FARP2: variants seen among roughly 807,000 people sequenced by gnomAD.
FARP2 encodes the protein FERM, ARHGEF and pleckstrin domain-containing protein 2.
FARP2 carries 111 observed loss-of-function variants against 130.5 expected under a neutral mutation model. That is an observed-to-expected ratio of 0.85 (90% CI 0.73 to 1.00). FARP2 has a LOEUF of 1.00. FARP2 is among the 50% of genes least tolerant of loss of function. The probability of loss-of-function intolerance (pLI) is 0.00; values close to 1 mark genes in which losing one functional copy is unlikely to be tolerated. For missense variants in FARP2, 1,385 were observed against 1,346.3 expected, an observed-to-expected ratio of 1.03 and a Z score of -0.45; for synonymous variants, 504 against 516.9, an observed-to-expected ratio of 0.98 and a Z score of 0.34.
intron 14 of FARP2, among the ~76,000 whole-genome samples, chr2:241,458,616 A>C (rs1052239759): frequency 3.9e-5 from 6 of 152,164 alleles, no homozygotes; most frequent in African/African-American, 1.4e-4. Context: ...TTTCCAAAAA[A>C]GATGTCTTTT....
chr2:241,443,319 CTG>C (rs2063436818), intron 13 of FARP2: 1 of 153,682 alleles, frequency 6.5e-6, no homozygotes, highest in South Asian at 2.0e-4. Context: ...AGAAATAGTG[CTG>C]TGTGTAGATA....
At chr2:241,401,193 G>C (rs150610228) in intron 2 of FARP2, among the ~76,000 whole-genome samples, 1 of 152,306 alleles carries the variant, frequency 6.6e-6, no homozygotes, top group African/African-American at 2.4e-5. Context: ...TTCTTACACA[G>C]TGAGAATCTG....
rs147242846 is a variant in FARP2 at position 241,417,970 on chromosome 2, C to T, written c.632C>T (p.Thr211Ile). ...LEFHQKHVGQ[T>I]PAESDFQVLE... is the part of the protein sequence containing the mutation. The stretch of plus-strand genomic sequence containing the variant: ...ACCATTTTTTATTACAGGGGCCAGA[C>T]ACCTGCTGAGTCGGATTTCCAGGTG... Residue 211 changes from threonine (T) to isoleucine (I), a missense_variant, in exon 8 of 27, where the codon ACA becomes ATA. By Grantham distance (89) the Thr-to-Ile change is moderately conservative. Transcript: ENST00000264042. 12 of 1,614,050 alleles carry T rather than the reference C, an allele frequency of 7.4e-6. No homozygotes were observed. In the African/African-American group the frequency reaches 1.2e-4, roughly 16 times the overall value.
intron 5 of FARP2, among the ~76,000 whole-genome samples, chr2:241,409,227 A>G (rs993899687): frequency 3.9e-5 from 6 of 152,210 alleles, no homozygotes; most frequent in African/African-American, 9.6e-5. Flanking sequence ...AAAAATGTAC[A>G]TGTTTGTGGT....
chr2:241,485,389 C>T (rs1351498462), intron 21 of FARP2, among the ~76,000 whole-genome samples: 1 of 150,700 alleles, frequency 6.6e-6, no homozygotes, highest in Non-Finnish European at 1.5e-5. Context: ...CATCTTCCCT[C>T]CCTGTGGTCC....
intron 7 of FARP2, among the ~76,000 whole-genome samples, chr2:241,415,554 G>A (rs929164789): frequency 1.1e-4 from 16 of 152,160 alleles, no homozygotes; most frequent in African/African-American, 3.4e-4. Flanking sequence ...TTGTCAGCAC[G>A]TAGGCTGGGC....
intron 17 of FARP2, chr2:241,465,533 C>T (rs1384675739): frequency 6.4e-7 from 1 of 1,550,546 alleles, no homozygotes; most frequent in African/African-American, 1.4e-5. Context: ...GCAGGGGCAG[C>T]ACTGGGGGAA....
chr2:241,385,149 A>G (rs938168345), intron 2 of FARP2, among the ~76,000 whole-genome samples: 4 of 152,190 alleles, frequency 2.6e-5, no homozygotes, highest in African/African-American at 9.6e-5. Context: ...AATTTTACTT[A>G]TTTAGAGGAA....
At chr2:241,416,311 G>A (rs969825165) in intron 7 of FARP2, among the ~76,000 whole-genome samples, 1 of 152,072 alleles carries the variant, frequency 6.6e-6, no homozygotes, top group Non-Finnish European at 1.5e-5. Flanking sequence ...TGCTTCATAC[G>A]GGAATACAGT....
At chr2:241,416,216 C>T (rs1281087603) in intron 7 of FARP2, among the ~76,000 whole-genome samples, 9 of 151,966 alleles carry the variant, frequency 5.9e-5, no homozygotes, top group African/African-American at 2.2e-4. Flanking sequence ...GTGCCTGTGT[C>T]TCTGCATGTG....
chr2:241,424,284 A>T (rs558420564), intron 8 of FARP2, among the ~76,000 whole-genome samples: 331 of 152,334 alleles, frequency 2.2e-3, no homozygotes, highest in Non-Finnish European at 4.0e-3. Flanking sequence ...AGCACAATCA[A>T]ATTAGAACTC....
chr2:241,440,280 G>A (rs1437855327), intron 12 of FARP2, among the ~76,000 whole-genome samples: 1 of 152,230 alleles, frequency 6.6e-6, no homozygotes, highest in African/African-American at 2.4e-5. Flanking sequence ...GATGTGGCGT[G>A]TGTATATATA....
chr2:241,416,957 C>T (rs2062689247), intron 7 of FARP2, among the ~76,000 whole-genome samples: 3 of 151,730 alleles, frequency 2.0e-5, no homozygotes, highest in South Asian at 2.1e-4. Flanking sequence ...AGTGAGAAAA[C>T]GGGTTTATAA....
In FARP2 at chr2:241,416,254, G is replaced by T. The variant is rs3771563; in HGVS notation, c.624-1708G>T. ...TGTCCTTACATGTGCACATGTATCC[G>T]CTAAAAACCCTAGAAAGCCGGTACG... On this transcript the variant is annotated intron_variant, in intron 7 of 26. Coordinates refer to ENST00000264042, the MANE Select transcript of FARP2 (RefSeq NM_014808.4). Among the ~76,000 whole-genome samples the T allele has an allele frequency of 6.6e-5, 10 of 152,016 alleles. 1 individual carries two copies. The East Asian group carries it at 1.9e-3, about 29-fold the overall frequency.
At position 241,491,497 on chromosome 2, in the gene FARP2, G is replaced by A. The variant is rs546759457; in HGVS notation, c.2624-19G>A. On this transcript the variant is annotated intron_variant, in intron 23 of 26. Coordinates refer to ENST00000264042, the MANE Select transcript of FARP2 (RefSeq NM_014808.4). ...GGCCACAGGGGGTTCCCCCTGAGACGCTGCTGACTTCTCCCCAGGATCCCC... is the reference window on the plus strand; with the variant it reads ...GGCCACAGGGGGTTCCCCCTGAGACACTGCTGACTTCTCCCCAGGATCCCC... 3.1e-5 allele frequency: 50 copies of A among 1,612,498 alleles called. No individual in the cohort carries two copies. Among genetic ancestry groups the A allele is most frequent in the Middle Eastern group, 3.3e-4 (2 of 6,054 alleles).
At chr2:241,465,442 C>T in intron 17 of FARP2, 2 of 1,546,978 alleles carry the variant, frequency 1.3e-6, no homozygotes, top group Non-Finnish European at 1.7e-6. Context: ...CTGCTAGGCT[C>T]ATAGGTTTTT....
At chr2:241,466,435 C>T (rs898605830) in intron 17 of FARP2, 671 of 985,462 alleles carry the variant, frequency 6.8e-4, no homozygotes, top group Non-Finnish European at 7.6e-4. Context: ...CTCAGCACCA[C>T]TCACCACTGC....
At chr2:241,369,827 G>C (rs1337640471) in intron 1 of FARP2, among the ~76,000 whole-genome samples, 1 of 152,192 alleles carries the variant, frequency 6.6e-6, no homozygotes, top group African/African-American at 2.4e-5. Context: ...AATGTTGTGA[G>C]CTGACCAAGA....
At chr2:241,473,037 T>C (rs535524386) in intron 18 of FARP2, among the ~76,000 whole-genome samples, 1 of 150,090 alleles carries the variant, frequency 6.7e-6, no homozygotes, top group Non-Finnish European at 1.5e-5. Context: ...CCAAGGGTGA[T>C]GCAGTTCTGA....
Sources: gnomAD v4.1 joint callset for allele counts (sites outside exome capture counted in the v4.1 genomes callset) on GRCh38, gnomAD v4.1.1 for gene constraint, MANE v1.5 for transcripts, NCBI Gene and HGNC (gene_info 2026-07-23, HGNC 2026-07-21) for gene names.